PRDM6: variants seen among roughly 807,000 people sequenced by gnomAD.
The protein encoded by PRDM6 is PR/SET domain 6, also known as putative histone-lysine N-methyltransferase PRDM6.
PRDM6 carries 25 observed loss-of-function variants against 60.8 expected under a neutral mutation model. The observed-to-expected ratio is 0.41, with a 90% CI of 0.30 to 0.57. The LOEUF (loss-of-function observed/expected upper bound fraction) is 0.57, where lower values mean the gene tolerates loss of function less well. PRDM6 is among the 20% of genes least tolerant of loss of function. The pLI, the probability that PRDM6 is intolerant of heterozygous loss-of-function variation, is 0.27. For missense variants in PRDM6, 839 were observed against 821.3 expected (o/e 1.02, Z -0.26); for synonymous variants, 407 against 357.4 (o/e 1.14, Z -1.57).
chr5:123,111,494 C>A (rs989122813), intron 3 of PRDM6, among the ~76,000 whole-genome samples: 1 of 152,102 alleles, frequency 6.6e-6, no homozygotes, highest in Admixed American at 6.6e-5. Context: ...GTCAGGAGAT[C>A]GAGACCATCC....
intron 3 of PRDM6, among the ~76,000 whole-genome samples, chr5:123,110,180 A>T (rs77764304): frequency 2.0e-5 from 3 of 152,216 alleles, no homozygotes; most frequent in African/African-American, 7.2e-5. Flanking sequence ...ATGAAAAAAT[A>T]AACATAATTG....
At chr5:123,116,881 A>C (rs893894371) in intron 3 of PRDM6, among the ~76,000 whole-genome samples, 1 of 152,320 alleles carries the variant, frequency 6.6e-6, no homozygotes, top group East Asian at 1.9e-4. Context: ...GATAATTTCA[A>C]GAAAAAGTGC....
chr5:123,110,573 T>C (rs1028774685), intron 3 of PRDM6, among the ~76,000 whole-genome samples: 13 of 148,892 alleles, frequency 8.7e-5, no homozygotes, highest in African/African-American at 2.7e-4. Flanking sequence ...TTTTTCTTTT[T>C]TTTTTTTTTT....
intron 7 of PRDM6, 82 bp from the exon 8 acceptor site, chr5:123,187,001 CTGTT>C (rs1279304837): frequency 2.0e-6 from 2 of 986,474 alleles, no homozygotes; most frequent in South Asian, 1.4e-5. Context: ...TTTGGAGTGT[CTGTT>C]CTGATTAGGC....
rs971448444 is a variant in PRDM6, at chr5:123,188,022, GAAAAT to G, written c.*825_*829del. On this transcript the variant is annotated 3_prime_UTR_variant, in exon 8 of 8. Transcript: ENST00000407847. ...TAGCTTAAAAAAAAAAAAAGAAAAT[GAAAAT>G]AAAGTTCTTTGGTTTAAGGCTGGAG... 5 of 151,418 alleles carry G rather than the reference GAAAAT, an allele frequency of 3.3e-5. No individual in the cohort carries two copies. Among genetic ancestry groups the G allele is most frequent in the Non-Finnish European group, 7.4e-5 (5 of 67,842 alleles). The allele number at this position is 151,418 out of a possible 1,614,324, so 9.4% of individuals were successfully genotyped here.
At chr5:123,133,275 A>G (rs1255523364) in intron 3 of PRDM6, among the ~76,000 whole-genome samples, 1 of 152,164 alleles carries the variant, frequency 6.6e-6, no homozygotes, top group African/African-American at 2.4e-5. Flanking sequence ...GGATAGAAGC[A>G]GGAATCTTAT....
intron 3 of PRDM6, among the ~76,000 whole-genome samples, chr5:123,129,527 G>A (rs386484): frequency 0.91 from 138,284 of 152,204 alleles, 63,036 homozygotes; most frequent in East Asian, 0.99. Flanking sequence ...ATATTTTACC[G>A]TGAAACCATA....
chr5:123,172,846 A>G (rs763186196), intron 6 of PRDM6, among the ~76,000 whole-genome samples: 1 of 152,230 alleles, frequency 6.6e-6, no homozygotes, highest in Non-Finnish European at 1.5e-5. Flanking sequence ...ATTTCATGGT[A>G]GGTAGATACT....
At chr5:123,115,377 ATGT>A (rs1002010605) in intron 3 of PRDM6, among the ~76,000 whole-genome samples, 1 of 152,138 alleles carries the variant, frequency 6.6e-6, no homozygotes, top group Non-Finnish European at 1.5e-5. Flanking sequence ...ACATACCTAA[ATGT>A]TGTACTGAAA....
chr5:123,132,380 A>G (rs1309066152), intron 3 of PRDM6, among the ~76,000 whole-genome samples: 1 of 151,538 alleles, frequency 6.6e-6, no homozygotes, highest in Non-Finnish European at 1.5e-5. Context: ...CCTCTGTTGA[A>G]GTAACAGCAA....
At chr5:123,100,020 C>CG in intron 3 of PRDM6, 59 bp downstream of exon 3, 1 of 1,429,502 alleles carries the variant, frequency 7.0e-7, no homozygotes, top group Non-Finnish European at 9.2e-7. Flanking sequence ...CAGCAGGGAG[C>CG]CTTGGCCGGC....
At chr5:123,118,307 G>C (rs1312291428) in intron 3 of PRDM6, among the ~76,000 whole-genome samples, 1 of 152,234 alleles carries the variant, frequency 6.6e-6, no homozygotes, top group Non-Finnish European at 1.5e-5. Context: ...GACTTGGAGT[G>C]TGGCTGTCTC....
At chr5:123,172,864 A>C (rs1765924701) in intron 6 of PRDM6, among the ~76,000 whole-genome samples, 1 of 152,214 alleles carries the variant, frequency 6.6e-6, no homozygotes, top group South Asian at 2.1e-4. Flanking sequence ...ACTGAAACAG[A>C]CTGTTTTGTC....
intron 6 of PRDM6, among the ~76,000 whole-genome samples, chr5:123,176,686 C>G (rs965908330): frequency 6.6e-6 from 1 of 152,132 alleles, no homozygotes; most frequent in South Asian, 2.1e-4. Context: ...GTACTCCAGC[C>G]TGGGCAACAG....
intron 7 of PRDM6, among the ~76,000 whole-genome samples, chr5:123,184,438 G>A (rs920578227): frequency 2.6e-4 from 40 of 152,124 alleles, no homozygotes; most frequent in Non-Finnish European, 4.6e-4. Flanking sequence ...CTCCCGTCAA[G>A]GCTGTGGCAT....
intron 2 of PRDM6, among the ~76,000 whole-genome samples, chr5:123,095,296 GA>G (rs938714565): frequency 1.3e-5 from 2 of 152,244 alleles, no homozygotes; most frequent in African/African-American, 4.8e-5. Flanking sequence ...AGCGGGGTGG[GA>G]CCTTCAAAAC....
At chr5:123,130,264 CCCTT>C (rs1256072426) in intron 3 of PRDM6, among the ~76,000 whole-genome samples, 1 of 78,328 alleles carries the variant, frequency 1.3e-5, no homozygotes, top group Admixed American at 1.2e-4. Flanking sequence ...TCCCTTCCCT[CCCTT>C]TCCTTTCCTC....
intron 2 of PRDM6, among the ~76,000 whole-genome samples, chr5:123,098,643 G>A (rs1764017949): frequency 6.6e-6 from 1 of 152,252 alleles, no homozygotes; most frequent in African/African-American, 2.4e-5. Flanking sequence ...GAGAGAGACA[G>A]CTTTATCTAC....
chr5:123,156,610 G>A (rs958604070), intron 4 of PRDM6, among the ~76,000 whole-genome samples: 3 of 152,190 alleles, frequency 2.0e-5, no homozygotes, highest in East Asian at 3.9e-4. Context: ...CAGTTTCCGG[G>A]CATAGAGAAG....
Sources: gnomAD v4.1 joint callset for allele counts (sites outside exome capture counted in the v4.1 genomes callset) on GRCh38, gnomAD v4.1.1 for gene constraint, MANE v1.5 for transcripts, NCBI Gene and HGNC (gene_info 2026-07-23, HGNC 2026-07-21) for gene names.